The following NKAIN2 variants were observed in gnomAD, a reference collection of about 807,000 sequenced individuals.
NKAIN2 encodes sodium/potassium-transporting ATPase subunit beta-1-interacting protein 2.
NKAIN2 carries 14 observed loss-of-function variants against 32.6 expected under a neutral mutation model. The ratio of observed to expected loss-of-function variants is 0.43; its 90% confidence interval spans 0.28 to 0.67. The LOEUF (loss-of-function observed/expected upper bound fraction) is 0.67. NKAIN2 is among the 30% of genes least tolerant of loss of function. NKAIN2 has a pLI of 0.17. For synonymous variants in NKAIN2, 80 were observed against 87.2 expected, an observed-to-expected ratio of 0.92 and a Z score of 0.46; for missense variants, 198 against 258.3, an observed-to-expected ratio of 0.77 and a Z score of 1.60.
At chr6:124,071,579 A>G (rs1783470705) in intron 1 of NKAIN2, among the ~76,000 whole-genome samples, 1 of 152,154 alleles carries the variant, frequency 6.6e-6, no homozygotes, top group Admixed American at 6.6e-5. Context: ...CTATGCACTC[A>G]ACAAAGATCT....
intron 1 of NKAIN2, among the ~76,000 whole-genome samples, chr6:123,869,522 A>G (rs966123041): frequency 4.1e-5 from 6 of 146,282 alleles, no homozygotes; most frequent in African/African-American, 1.4e-4. Context: ...CAGAAAAAAT[A>G]AGAACACCAT....
chr6:124,552,288 G>T (rs1042625489), intron 3 of NKAIN2, among the ~76,000 whole-genome samples: 1 of 152,186 alleles, frequency 6.6e-6, no homozygotes, highest in Non-Finnish European at 1.5e-5. Flanking sequence ...CCTATGGCAG[G>T]GATAGAAGAT....
chr6:124,741,761 A>G (rs557535045), intron 4 of NKAIN2, among the ~76,000 whole-genome samples: 1 of 151,990 alleles, frequency 6.6e-6, no homozygotes, highest in East Asian at 1.9e-4. Flanking sequence ...AACCTACTCC[A>G]TTTATGTGTC....
intron 3 of NKAIN2, among the ~76,000 whole-genome samples, chr6:124,495,885 T>C (rs1235147329): frequency 6.6e-6 from 1 of 152,042 alleles, no homozygotes; most frequent in Non-Finnish European, 1.5e-5. Flanking sequence ...CAGTGGCCTT[T>C]TGAGATGTTG....
intron 1 of NKAIN2, among the ~76,000 whole-genome samples, chr6:124,064,108 G>T (rs1783046268): frequency 6.6e-6 from 1 of 151,806 alleles, no homozygotes. Context: ...CTGCCACCAT[G>T]CCCGGCTAAT....
At chr6:124,650,768 C>G (rs564107504) in intron 3 of NKAIN2, among the ~76,000 whole-genome samples, 1 of 152,270 alleles carries the variant, frequency 6.6e-6, no homozygotes, top group Admixed American at 6.5e-5. Flanking sequence ...CATACTCAAA[C>G]CATAGCACTT....
At chr6:124,118,676 A>G (rs1038536511) in intron 1 of NKAIN2, among the ~76,000 whole-genome samples, 2 of 152,152 alleles carry the variant, frequency 1.3e-5, no homozygotes, top group Admixed American at 1.3e-4. Context: ...GCACGTTTAT[A>G]AAACAGTGAT....
intron 3 of NKAIN2, among the ~76,000 whole-genome samples, chr6:124,633,857 A>T (rs1783668724): frequency 6.6e-6 from 1 of 152,148 alleles, no homozygotes; most frequent in Non-Finnish European, 1.5e-5. Flanking sequence ...TGGTAGAGTC[A>T]CTGCACAACC....
intron 1 of NKAIN2, among the ~76,000 whole-genome samples, chr6:123,998,180 A>G (rs1014966771): frequency 1.3e-5 from 2 of 152,166 alleles, no homozygotes; most frequent in African/African-American, 2.4e-5. Context: ...CAAAATATAT[A>G]ACTCAGAAAG....
chr6:124,338,371 T>A (rs956637818), intron 2 of NKAIN2, among the ~76,000 whole-genome samples: 2 of 152,200 alleles, frequency 1.3e-5, no homozygotes, highest in African/African-American at 4.8e-5. Context: ...GTGATAAGTG[T>A]AGAGCTGCTA....
chr6:124,192,907 G>T (rs907312882), intron 1 of NKAIN2, among the ~76,000 whole-genome samples: 2 of 151,776 alleles, frequency 1.3e-5, no homozygotes, highest in African/African-American at 4.8e-5. Context: ...CCGCCACCGC[G>T]CGCAGCTACT....
At chr6:123,987,499 G>A (rs959450535) in intron 1 of NKAIN2, among the ~76,000 whole-genome samples, 5 of 152,158 alleles carry the variant, frequency 3.3e-5, no homozygotes, top group African/African-American at 1.2e-4. Flanking sequence ...TTGGGCCGAT[G>A]TGGGAGGTTT....
intron 4 of NKAIN2, among the ~76,000 whole-genome samples, chr6:124,779,521 A>C: frequency 6.6e-6 from 1 of 152,194 alleles, no homozygotes; most frequent in East Asian, 1.9e-4. Flanking sequence ...CAGATGAGTA[A>C]GTAAATAAAT....
At position 124,701,153 on chromosome 6, in the gene NKAIN2, G is replaced by GCGCACA. The variant is rs1554253913; in HGVS notation, c.474+42768_474+42769insGCACAC. Among the ~76,000 whole-genome samples the GCGCACA allele has an allele frequency of 7.0e-3, 920 of 132,108 alleles. 16 individuals are homozygous for GCGCACA. Among genetic ancestry groups the GCGCACA allele is most frequent in the African/African-American group, 0.024 (893 of 37,240 alleles). The allele number at this position is 132,108 out of a possible 152,430, so 86.7% of individuals were successfully genotyped here. ...AGGAGAGAGATACACACACACACAC[G>GCGCACA]CACACACACACACACACACACACAC... On this transcript the variant is annotated intron_variant, in intron 4 of 6. Transcript: ENST00000368417.
At chr6:124,551,958 G>A (rs1003252909) in intron 3 of NKAIN2, among the ~76,000 whole-genome samples, 2 of 152,150 alleles carry the variant, frequency 1.3e-5, no homozygotes, top group Non-Finnish European at 2.9e-5. Flanking sequence ...ATTACTCAGT[G>A]GTTAATGAAG....
At chr6:123,916,270 T>C (rs1775487753) in intron 1 of NKAIN2, among the ~76,000 whole-genome samples, 1 of 152,154 alleles carries the variant, frequency 6.6e-6, no homozygotes, top group Non-Finnish European at 1.5e-5. Flanking sequence ...TTTTATTGAT[T>C]GAGACAGAGT....
chr6:124,472,997 C>A (rs1181999803), intron 3 of NKAIN2, among the ~76,000 whole-genome samples: 1 of 152,094 alleles, frequency 6.6e-6, no homozygotes, highest in Admixed American at 6.6e-5. Flanking sequence ...AATAGCAGGA[C>A]TCACCAGTGA....
intron 1 of NKAIN2, among the ~76,000 whole-genome samples, chr6:124,158,520 T>C (rs965953958): frequency 1.3e-5 from 2 of 152,194 alleles, no homozygotes; most frequent in African/African-American, 4.8e-5. Flanking sequence ...GCCAGAATGC[T>C]ATTTTATTGT....
At chr6:124,726,584 A>G (rs1776327273) in intron 4 of NKAIN2, among the ~76,000 whole-genome samples, 1 of 150,216 alleles carries the variant, frequency 6.7e-6, no homozygotes, top group Non-Finnish European at 1.5e-5. Flanking sequence ...GACCAAAAGT[A>G]GATAAAACCA....
Sources: allele counts gnomAD v4.1 joint callset (sites outside exome capture counted in the v4.1 genomes callset), GRCh38; gene constraint gnomAD v4.1.1; transcripts MANE v1.5; gene names NCBI Gene and HGNC (gene_info 2026-07-23, HGNC 2026-07-21).